Variants in KCNJ6 observed in about 807,000 individuals in gnomAD.
KCNJ6 encodes G protein-activated inward rectifier potassium channel 2.
A neutral mutation model predicts 34.2 loss-of-function variants in KCNJ6; 9 were observed. The observed-to-expected ratio is 0.26, with a 90% CI of 0.16 to 0.46. The LOEUF (loss-of-function observed/expected upper bound fraction) is 0.46, where lower values mean the gene tolerates loss of function less well. Ranked by LOEUF, KCNJ6 falls within the 20% of genes least tolerant of loss-of-function variation. The pLI is 1.00. For missense variants in KCNJ6, 236 were observed against 531.3 expected (o/e 0.44, Z 5.46); for synonymous variants, 196 against 207.1 (o/e 0.95, Z 0.46).
chr21:37,673,477 G>T (rs554298071), intron 3 of KCNJ6, among the ~76,000 whole-genome samples: 1 of 152,364 alleles, frequency 6.6e-6, no homozygotes, highest in South Asian at 2.1e-4. Context: ...TCAGGGATAG[G>T]ATTTGTCTCT....
At chr21:37,646,613 A>G (rs960205487) in intron 3 of KCNJ6, among the ~76,000 whole-genome samples, 5 of 152,222 alleles carry the variant, frequency 3.3e-5, no homozygotes, top group Admixed American at 6.5e-5. Flanking sequence ...GCCAGAGAGC[A>G]GGAACAGCAG....
intron 3 of KCNJ6, among the ~76,000 whole-genome samples, chr21:37,660,718 G>A (rs189647089): frequency 6.6e-5 from 10 of 152,320 alleles, no homozygotes; most frequent in Admixed American, 5.9e-4. Context: ...CTGCTGTCAT[G>A]CTCACCACCA....
intron 2 of KCNJ6, among the ~76,000 whole-genome samples, chr21:37,827,251 C>T (rs2055403573): frequency 1.3e-5 from 2 of 152,242 alleles, no homozygotes; most frequent in Non-Finnish European, 2.9e-5. Context: ...CCTCTATATC[C>T]CCATCTGTCC....
intron 1 of KCNJ6, among the ~76,000 whole-genome samples, chr21:37,859,119 T>C (rs900555139): frequency 1.3e-5 from 2 of 152,014 alleles, no homozygotes; most frequent in East Asian, 3.9e-4. Flanking sequence ...ACAATAAACA[T>C]ATTTTTAAGA....
intron 2 of KCNJ6, among the ~76,000 whole-genome samples, chr21:37,737,409 T>A (rs1445829468): frequency 6.6e-6 from 1 of 152,230 alleles, no homozygotes; most frequent in Non-Finnish European, 1.5e-5. Context: ...CAAAATTAGC[T>A]GCATTTGTAA....
chr21:37,712,780 C>G lies in KCNJ6; in HGVS notation c.946+1431G>C, dbSNP rs567418611. ...CCTTCCTCCTCCCCTGCCTTCCCTT[C>G]TACTTCTCCCTTCTATCTCCCTTCC... On this transcript the variant is annotated intron_variant, in intron 3 of 3. Coordinates refer to ENST00000609713, the MANE Select transcript of KCNJ6 (RefSeq NM_002240.5). Among the ~76,000 whole-genome samples, 20 of 133,210 alleles carry G rather than the reference C, an allele frequency of 1.5e-4. 3 individuals carry two copies. In the South Asian group the frequency reaches 2.9e-3, roughly 19 times the overall value. The allele number at this position is 133,210 out of a possible 152,430, so 87.4% of individuals were successfully genotyped here.
intron 1 of KCNJ6, among the ~76,000 whole-genome samples, chr21:37,901,014 C>T (rs962660067): frequency 2.7e-5 from 4 of 149,498 alleles, no homozygotes; most frequent in Non-Finnish European, 4.4e-5. Flanking sequence ...CTGCCTCCCC[C>T]TTCCTTCTCT....
chr21:37,679,577 A>G (rs927211747), intron 3 of KCNJ6, among the ~76,000 whole-genome samples: 3 of 152,246 alleles, frequency 2.0e-5, no homozygotes, highest in African/African-American at 7.2e-5. Context: ...GCAAACACAG[A>G]AAGAACAGGG....
At chr21:37,646,677 TA>T (rs1221109134) in intron 3 of KCNJ6, among the ~76,000 whole-genome samples, 1 of 79,904 alleles carries the variant, frequency 1.3e-5, no homozygotes, top group Admixed American at 1.5e-4. Flanking sequence ...AAATTATTTT[TA>T]TTTTTTTTTT....
intron 2 of KCNJ6, among the ~76,000 whole-genome samples, chr21:37,780,395 T>A (rs888110540): frequency 6.6e-6 from 1 of 152,208 alleles, no homozygotes; most frequent in Non-Finnish European, 1.5e-5. Context: ...TGGTGGCTAC[T>A]TAAACATCAT....
At chr21:37,829,476 C>T (rs2055414674) in intron 2 of KCNJ6, among the ~76,000 whole-genome samples, 1 of 152,124 alleles carries the variant, frequency 6.6e-6, no homozygotes, top group Non-Finnish European at 1.5e-5. Context: ...CACCTGGGCA[C>T]CCCACTGGCT....
rs2054243434 is a variant in KCNJ6 at position 37,611,756 on chromosome 21, T to C, written c.*13403A>G. On this transcript the variant is annotated 3_prime_UTR_variant, in exon 4 of 4. Coordinates refer to ENST00000609713, the MANE Select transcript of KCNJ6 (RefSeq NM_002240.5). ...AAAATTGCATGATCATATCAACAGA[T>C]GCAGAAAAATCCAAACAGTCTTTCA... 6.6e-6 allele frequency: 1 copy of C among 152,084 alleles called. No homozygotes were observed. Among genetic ancestry groups the C allele is most frequent in the African/African-American group, 2.4e-5 (1 of 41,416 alleles). The allele number at this position is 152,084 out of a possible 1,614,324, so 9.4% of individuals were successfully genotyped here.
chr21:37,702,113 A>G lies in KCNJ6; in HGVS notation c.946+12098T>C, dbSNP rs2054694180. Among the ~76,000 whole-genome samples, 7 of 151,264 alleles carry G rather than the reference A, an allele frequency of 4.6e-5. No individual in the cohort carries two copies. The Admixed American group carries it at 4.6e-4, about 10-fold the overall frequency. On this transcript the variant is annotated intron_variant, in intron 3 of 3. Transcript: ENST00000609713. ...CTGGGCGTGGTGGTGGGCGCCTGTAATCCCAGCTACTTGGGAGGCTGAGGC... is the reference window on the plus strand; with the variant it reads ...CTGGGCGTGGTGGTGGGCGCCTGTAGTCCCAGCTACTTGGGAGGCTGAGGC...
chr21:37,861,463 C>T (rs2055594506), intron 1 of KCNJ6, among the ~76,000 whole-genome samples: 1 of 152,202 alleles, frequency 6.6e-6, no homozygotes, highest in Non-Finnish European at 1.5e-5. Context: ...TCTATCACTT[C>T]TTTAAAGGCT....
chr21:37,787,951 A>T (rs2055199903), intron 2 of KCNJ6, among the ~76,000 whole-genome samples: 1 of 152,216 alleles, frequency 6.6e-6, no homozygotes, highest in Non-Finnish European at 1.5e-5. Context: ...CACCATTACC[A>T]TCTCAGATAG....
At chr21:37,831,342 G>A (rs2055424923) in intron 2 of KCNJ6, among the ~76,000 whole-genome samples, 1 of 152,208 alleles carries the variant, frequency 6.6e-6, no homozygotes, top group South Asian at 2.1e-4. Flanking sequence ...ATGATACATT[G>A]TACAGGGACT....
chr21:37,654,105 G>GTTT (rs537326162), intron 3 of KCNJ6, among the ~76,000 whole-genome samples: 13 of 122,732 alleles, frequency 1.1e-4, no homozygotes, highest in East Asian at 2.5e-4. Flanking sequence ...CACTTTGTGG[G>GTTT]TTTTTTTTTT....
chr21:37,783,222 C>G (rs1250096122), intron 2 of KCNJ6, among the ~76,000 whole-genome samples: 1 of 152,188 alleles, frequency 6.6e-6, no homozygotes, highest in Non-Finnish European at 1.5e-5. Context: ...CAGAAGCTAA[C>G]CACGGATGAG....
At chr21:37,647,188 T>C (rs1377182656) in intron 3 of KCNJ6, among the ~76,000 whole-genome samples, 2 of 152,192 alleles carry the variant, frequency 1.3e-5, no homozygotes, top group Non-Finnish European at 2.9e-5. Context: ...GCATGGGCTA[T>C]TATTGGTATC....
Sources: gnomAD v4.1 joint callset for allele counts (sites outside exome capture counted in the v4.1 genomes callset) on GRCh38, gnomAD v4.1.1 for gene constraint, MANE v1.5 for transcripts, NCBI Gene and HGNC (gene_info 2026-07-23, HGNC 2026-07-21) for gene names.